WDR4: variants seen among roughly 807,000 people sequenced by gnomAD.
WDR4 encodes the protein tRNA (guanine-N(7)-)-methyltransferase non-catalytic subunit WDR4.
Under a neutral mutation model 48.6 loss-of-function variants are expected in WDR4, and 47 were observed. The ratio of observed to expected loss-of-function variants is 0.97; its 90% CI spans 0.77 to 1.23. The LOEUF (loss-of-function observed/expected upper bound fraction) is 1.23, where lower values mean the gene tolerates loss of function less well. WDR4 is among the 50% of genes most tolerant of loss of function. The pLI is 0.00. For missense variants in WDR4, 606 were observed against 551.6 expected (o/e 1.10, Z -0.99); for synonymous variants, 268 against 230.0 (o/e 1.17, Z -1.49).
downstream of WDR4, among the ~76,000 whole-genome samples, chr21:42,846,805 T>C (rs541650729): frequency 2.6e-5 from 4 of 152,166 alleles, no homozygotes; most frequent in Non-Finnish European, 4.4e-5. Context: ...GAGGATCACC[T>C]GAGGTCAGGA....
chr21:42,864,581 C>T (rs1471486873), intron 3 of WDR4, among the ~76,000 whole-genome samples: 1 of 152,116 alleles, frequency 6.6e-6, no homozygotes, highest in Non-Finnish European at 1.5e-5. Context: ...GCCTGCGCTC[C>T]CCCCAGTCCA....
At chr21:42,850,639 G>A (rs917420450) in intron 10 of WDR4, among the ~76,000 whole-genome samples, 2 of 152,292 alleles carry the variant, frequency 1.3e-5, no homozygotes, top group African/African-American at 4.8e-5. Context: ...CCCCTGTCCT[G>A]CCGACAACCC....
intron 3 of WDR4, among the ~76,000 whole-genome samples, chr21:42,865,330 G>A (rs932488543): frequency 2.0e-5 from 3 of 152,210 alleles, no homozygotes; most frequent in African/African-American, 7.2e-5. Context: ...AGCCCCCAAT[G>A]TCCGATGGGC....
intron 1 of WDR4, among the ~76,000 whole-genome samples, chr21:42,878,017 C>T (rs1346416149): frequency 6.8e-6 from 1 of 147,062 alleles, no homozygotes; most frequent in Non-Finnish European, 1.5e-5. Context: ...TGCACTCCAG[C>T]CTGGGCGACA....
At chr21:42,843,892 T>C (rs2057687792) in intron 11 of WDR4, among the ~76,000 whole-genome samples, 1 of 152,180 alleles carries the variant, frequency 6.6e-6, no homozygotes, top group Non-Finnish European at 1.5e-5. Context: ...GGTCTCACTG[T>C]ATTGCCCAGG....
At chr21:42,868,599 T>A (rs2058301879) in intron 3 of WDR4, among the ~76,000 whole-genome samples, 1 of 152,190 alleles carries the variant, frequency 6.6e-6, no homozygotes, top group Non-Finnish European at 1.5e-5. Flanking sequence ...CTCTGCATAG[T>A]GAAGAATTAA....
At chr21:42,864,838 G>C (rs1277390046) in intron 3 of WDR4, among the ~76,000 whole-genome samples, 4 of 152,108 alleles carry the variant, frequency 2.6e-5, no homozygotes, top group South Asian at 2.1e-4. Flanking sequence ...ATTTTACATA[G>C]ATATGAGTTG....
At chr21:42,853,532 G>A in intron 9 of WDR4, 37 bp downstream of exon 9, 1 of 1,580,980 alleles carries the variant, frequency 6.3e-7, no homozygotes, top group Non-Finnish European at 8.6e-7. Context: ...TTATGGAAAG[G>A]CAGGGCATAG....
chr21:42,859,617 A>AGG, intron 6 of WDR4, 45 bp downstream of exon 6: 1 of 307,642 alleles, frequency 3.3e-6, no homozygotes, highest in Non-Finnish European at 6.8e-6. Context: ...CCCTCCCTGC[A>AGG]GGCTCAAGAA....
downstream of WDR4, among the ~76,000 whole-genome samples, chr21:42,844,234 T>C (rs190730709): frequency 3.9e-5 from 6 of 152,216 alleles, no homozygotes; most frequent in Admixed American, 3.9e-4. Flanking sequence ...AGAGACCGAA[T>C]AGCTAGAATA....
the WDR4 span, among the ~76,000 whole-genome samples, chr21:42,891,129 C>T: frequency 6.6e-6 from 1 of 152,054 alleles, no homozygotes; most frequent in Middle Eastern, 3.2e-3. Flanking sequence ...TACAAACCAG[C>T]CTGACCAACA....
chr21:42,845,719 C>T (rs988011208), downstream of WDR4, among the ~76,000 whole-genome samples: 4 of 152,224 alleles, frequency 2.6e-5, no homozygotes, highest in South Asian at 2.1e-4. Context: ...GCGTTTTCCA[C>T]GCTGGGGTCG....
intron 1 of WDR4, 184 bp downstream of exon 1, chr21:42,879,223 G>C: frequency 1.5e-6 from 2 of 1,310,150 alleles, no homozygotes; most frequent in Non-Finnish European, 1.9e-6. Context: ...GGCGAAAGCG[G>C]ACCCTCCAGG....
rs747424471 is a variant in WDR4 at position 42,850,038 on chromosome 21, G to A, written c.*11C>T. ...CTAATTTGAGGTGAGAGACACCACT[G>A]ACCGCCACGATCAGCAACTTAGCGT... On this transcript the variant is annotated 3_prime_UTR_variant, in exon 11 of 11. Transcript: ENST00000398208. 3.1e-6 allele frequency: 5 copies of A among 1,613,042 alleles called. No individual in the cohort carries two copies. The South Asian group carries it at 5.5e-5, about 18-fold the overall frequency.
chr21:42,847,486 G>A (rs2145980423), downstream of WDR4, among the ~76,000 whole-genome samples: 1 of 152,318 alleles, frequency 6.6e-6, no homozygotes, highest in Admixed American at 6.5e-5. Context: ...GCAGGATGCT[G>A]AGGAATAGCA....
At position 42,849,750 on chromosome 21, in the gene WDR4, A is replaced by T; in HGVS notation, c.*299T>A. The T allele has an allele frequency of 3.0e-6, 1 of 332,698 alleles. No homozygotes were observed. 20.6% of individuals were successfully genotyped at this position (332,698 alleles called of 1,614,324 possible). On this transcript the variant is annotated 3_prime_UTR_variant, in exon 11 of 11. Coordinates refer to ENST00000398208, the MANE Select transcript of WDR4 (RefSeq NM_018669.6). Reference sequence around the variant, plus strand: ...GGCGGTATGAGAACAGGAGAAACACAGACAGCTGCCGCCACCACCGGCTCA... The same window carrying T: ...GGCGGTATGAGAACAGGAGAAACACTGACAGCTGCCGCCACCACCGGCTCA...
At chr21:42,887,314 T>A in the WDR4 span, among the ~76,000 whole-genome samples, 86,916 of 147,082 alleles carry the variant, frequency 0.59, 26,055 homozygotes, top group African/African-American at 0.7. Context: ...TTTTTTTTTT[T>A]ATTTTATAAA....
At chr21:42,850,985 G>A (rs1003600105) in intron 10 of WDR4, among the ~76,000 whole-genome samples, 40 of 152,210 alleles carry the variant, frequency 2.6e-4, no homozygotes, top group Non-Finnish European at 4.4e-4. Context: ...CAGCCTCCCC[G>A]CCCCTCCAGC....
intron 6 of WDR4, among the ~76,000 whole-genome samples, chr21:42,859,345 G>A (rs4920005): frequency 2.0e-5 from 3 of 152,082 alleles, no homozygotes; most frequent in Non-Finnish European, 4.4e-5. Context: ...AGAAGCCCCC[G>A]TCTACTGTTT....
Sources: gnomAD v4.1 joint callset for allele counts (sites outside exome capture counted in the v4.1 genomes callset) on GRCh38, gnomAD v4.1.1 for gene constraint, MANE v1.5 for transcripts, NCBI Gene and HGNC (gene_info 2026-07-23, HGNC 2026-07-21) for gene names.